The following OSBPL10 variants were observed in gnomAD, a reference collection of about 807,000 sequenced individuals.
OSBPL10 encodes oxysterol-binding protein-related protein 10.
A neutral mutation model predicts 81.7 loss-of-function variants in OSBPL10; 49 were observed. That is an observed-to-expected ratio of 0.60 (90% CI 0.48 to 0.76). The LOEUF (loss-of-function observed/expected upper bound fraction) is 0.76, where lower values mean the gene tolerates loss of function less well. OSBPL10 is among the 30% of genes least tolerant of loss of function. The probability of loss-of-function intolerance (pLI) is 0.00; values close to 1 mark genes in which losing one functional copy is unlikely to be tolerated. For missense variants in OSBPL10, 923 were observed against 987.8 expected, an observed-to-expected ratio of 0.93 and a Z score of 0.88; for synonymous variants, 419 against 383.6, an observed-to-expected ratio of 1.09 and a Z score of -1.08.
chr3:31,847,522 C>G (rs1559490249), intron 3 of OSBPL10, among the ~76,000 whole-genome samples: 1 of 152,292 alleles, frequency 6.6e-6, no homozygotes, highest in South Asian at 2.1e-4. Context: ...CAAACCTTCT[C>G]TTGCCCTCCT....
intron 11 of OSBPL10, chr3:31,663,616 T>C (rs929407746): frequency 9.6e-7 from 1 of 1,039,938 alleles, no homozygotes; most frequent in African/African-American, 1.7e-5. Context: ...CTAGCCCTTG[T>C]GGCCCACAGG....
chr3:31,911,431 A>C (rs998190343), intron 1 of OSBPL10, among the ~76,000 whole-genome samples: 14 of 152,112 alleles, frequency 9.2e-5, no homozygotes, highest in Non-Finnish European at 1.8e-4. Context: ...TCCCTTTCTC[A>C]GAAATCTCCA....
At chr3:31,807,303 G>A (rs1427429325) in intron 4 of OSBPL10, among the ~76,000 whole-genome samples, 1 of 152,006 alleles carries the variant, frequency 6.6e-6, no homozygotes, top group Admixed American at 6.6e-5. Context: ...AACCCAGGAG[G>A]TGTAGGCTGC....
At chr3:31,891,887 G>A (rs188062633) in intron 1 of OSBPL10, among the ~76,000 whole-genome samples, 2 of 152,232 alleles carry the variant, frequency 1.3e-5, no homozygotes, top group East Asian at 3.9e-4. Flanking sequence ...AGTTTTATTT[G>A]TAAGAATTCA....
chr3:31,779,161 T>TA (rs375065497), intron 4 of OSBPL10, among the ~76,000 whole-genome samples: 4 of 152,004 alleles, frequency 2.6e-5, no homozygotes, highest in Admixed American at 6.5e-5. Context: ...AACACAATTT[T>TA]AAAAAAAGGT....
chr3:31,981,372 T>G (rs1309480673), upstream of OSBPL10: 4 of 977,856 alleles, frequency 4.1e-6, no homozygotes, highest in Non-Finnish European at 5.3e-6. This position sits in a 1 kb window ranked among gnomAD's most constrained non-coding sequence, Gnocchi z 4.5. Context: ...CGGGGCTGGA[T>G]GCAGCTGCGG....
intron 1 of OSBPL10, among the ~76,000 whole-genome samples, chr3:31,961,590 A>C (rs34451973): frequency 6.6e-6 from 1 of 151,784 alleles, no homozygotes; most frequent in Non-Finnish European, 1.5e-5. Context: ...GTGTCTTTTG[A>C]CATTTGTATT....
At chr3:31,871,661 A>G (rs1284204734) in intron 3 of OSBPL10, among the ~76,000 whole-genome samples, 2 of 152,358 alleles carry the variant, frequency 1.3e-5, no homozygotes, top group Middle Eastern at 6.8e-3. Flanking sequence ...GCTTGAGCCC[A>G]TGAGTTGGAG....
intron 2 of OSBPL10, among the ~76,000 whole-genome samples, chr3:32,012,001 A>G (rs1242372656): frequency 6.6e-6 from 1 of 152,214 alleles, no homozygotes; most frequent in Admixed American, 6.5e-5. Flanking sequence ...AGAATGCAAC[A>G]AAGTTGGAAA....
intron 6 of OSBPL10, chr3:31,714,886 C>T (rs1696383860): frequency 6.6e-6 from 1 of 152,110 alleles, no homozygotes; most frequent in Admixed American, 6.6e-5. Flanking sequence ...TGTACCACAC[C>T]ACCAGAGTGT....
At chr3:31,888,343 G>T (rs575695071) in intron 1 of OSBPL10, among the ~76,000 whole-genome samples, 1 of 152,260 alleles carries the variant, frequency 6.6e-6, no homozygotes, top group Admixed American at 6.5e-5. Flanking sequence ...CTAAATGTAA[G>T]ACCTGAAAAC....
chr3:31,951,693 C>G (rs1697873090), intron 1 of OSBPL10, among the ~76,000 whole-genome samples: 1 of 150,278 alleles, frequency 6.7e-6, no homozygotes, highest in South Asian at 2.1e-4. Flanking sequence ...AAAATAGAAA[C>G]TAATATATAA....
chr3:32,022,770 T>C (rs544680830), intron 2 of OSBPL10, among the ~76,000 whole-genome samples: 7 of 151,520 alleles, frequency 4.6e-5, no homozygotes, highest in African/African-American at 7.3e-5. Context: ...CAGAGCAAGA[T>C]GCTGCAAAAA....
chr3:31,922,917 T>A (rs1331782589), intron 1 of OSBPL10, among the ~76,000 whole-genome samples: 1 of 152,112 alleles, frequency 6.6e-6, no homozygotes, highest in African/African-American at 2.4e-5. Context: ...ACGGAAGCTA[T>A]TTTTAAGTGA....
intron 4 of OSBPL10, among the ~76,000 whole-genome samples, chr3:31,766,365 G>A (rs1372933969): frequency 6.5e-5 from 8 of 123,916 alleles, no homozygotes; most frequent in South Asian, 2.9e-4. Context: ...TTTGAGACAC[G>A]GTCTCACTTC....
intron 1 of OSBPL10, among the ~76,000 whole-genome samples, chr3:32,048,731 G>A (rs1036584372): frequency 6.6e-6 from 1 of 152,124 alleles, no homozygotes; most frequent in Non-Finnish European, 1.5e-5. Flanking sequence ...TTTTGAATAG[G>A]GGCTGGGTAA....
intron 4 of OSBPL10, among the ~76,000 whole-genome samples, chr3:31,783,187 T>G (rs1698750200): frequency 6.9e-6 from 1 of 145,214 alleles, no homozygotes; most frequent in South Asian, 2.1e-4. Context: ...TAAAAAGGAA[T>G]GAAATAATGG....
At chr3:31,796,672 G>A (rs1370561080) in intron 4 of OSBPL10, among the ~76,000 whole-genome samples, 3 of 152,106 alleles carry the variant, frequency 2.0e-5, no homozygotes, top group South Asian at 2.1e-4. Context: ...CAGCATCCAC[G>A]GCCTCTACCA....
At chr3:31,896,805 G>GC (rs1696073174) in intron 1 of OSBPL10, among the ~76,000 whole-genome samples, 1 of 152,202 alleles carries the variant, frequency 6.6e-6, no homozygotes, top group African/African-American at 2.4e-5. Flanking sequence ...CTTTCCACAG[G>GC]CCACAGGAGG....
Sources: allele counts gnomAD v4.1 joint callset (sites outside exome capture counted in the v4.1 genomes callset), GRCh38; gene constraint gnomAD v4.1.1; non-coding constraint Gnocchi (gnomAD v3.1); transcripts MANE v1.5; gene names NCBI Gene and HGNC (gene_info 2026-07-23, HGNC 2026-07-21).